Variants in ANKRD30B observed in about 807,000 individuals in gnomAD.
The protein encoded by ANKRD30B is ankyrin repeat domain 30B.
Under a neutral mutation model 202.2 loss-of-function variants are expected in ANKRD30B, and 144 were observed. The observed-to-expected ratio is 0.71, with a 90% CI of 0.62 to 0.82. ANKRD30B has a LOEUF of 0.82. ANKRD30B is among the 40% of genes least tolerant of loss of function. The pLI is 0.00. For missense variants in ANKRD30B, 1,487 were observed against 1,669.1 expected, an observed-to-expected ratio of 0.89 and a Z score of 1.90; for synonymous variants, 508 against 561.3, an observed-to-expected ratio of 0.91 and a Z score of 1.34.
Position 14,752,774 on chromosome 18 carries a change from A to G in ANKRD30B, c.337-65A>G, listed in dbSNP as rs576848402. On this transcript the variant is annotated intron_variant, in intron 2 of 43. Transcript: ENST00000690538. The stretch of plus-strand genomic sequence containing the variant: ...AGTTGAAATACAACTAGTTTGTGAA[A>G]CCTGTGGAATACTTATTTTGATTTC... 4 of 1,546,160 alleles carry G rather than the reference A, an allele frequency of 2.6e-6. No individual in the cohort carries two copies. In the African/African-American group the frequency reaches 5.5e-5, roughly 21 times the overall value.
chr18:14,779,788 T>G (rs9675853), intron 10 of ANKRD30B, among the ~76,000 whole-genome samples, 172 bp from the exon 11 acceptor site: 2 of 100,774 alleles, frequency 2.0e-5, no homozygotes, highest in African/African-American at 3.3e-5. Flanking sequence ...TTTAGATTTT[T>G]AAGATTGTAG....
At chr18:14,936,324 CA>C in the ANKRD30B span, among the ~76,000 whole-genome samples, 1 of 152,132 alleles carries the variant, frequency 6.6e-6, no homozygotes, top group African/African-American at 2.4e-5. Flanking sequence ...TTGAGGCTGC[CA>C]AAGGTACATC....
chr18:14,902,210 C>T, the ANKRD30B span, among the ~76,000 whole-genome samples: 1 of 152,020 alleles, frequency 6.6e-6, no homozygotes, highest in Non-Finnish European at 1.5e-5. Context: ...ATGGGAATTA[C>T]GGGAGTACAA....
chr18:14,941,021 C>T, the ANKRD30B span, among the ~76,000 whole-genome samples: 1 of 152,110 alleles, frequency 6.6e-6, no homozygotes, highest in Admixed American at 6.5e-5. Context: ...TGTATGTGCT[C>T]CCAGGAGATT....
intron 27 of ANKRD30B, 31 bp from the exon 28 acceptor site, chr18:14,810,077 T>C (rs1969823645): frequency 6.8e-7 from 1 of 1,468,226 alleles, no homozygotes; most frequent in African/African-American, 1.4e-5. Context: ...ATACATTATC[T>C]ATTAATTTTT....
intron 39 of ANKRD30B, among the ~76,000 whole-genome samples, chr18:14,847,511 G>T (rs61171191): frequency 0.02 from 1,279 of 62,708 alleles, 38 homozygotes; most frequent in Middle Eastern, 0.043. Context: ...ATCTTTTCTT[G>T]CATAGATGAT....
At chr18:14,872,681 C>T in the ANKRD30B span, among the ~76,000 whole-genome samples, 1 of 152,098 alleles carries the variant, frequency 6.6e-6, no homozygotes, top group Non-Finnish European at 1.5e-5. Context: ...TAGTCTTATA[C>T]AGGTGACCTA....
At chr18:14,866,391 G>C in the ANKRD30B span, among the ~76,000 whole-genome samples, 1 of 152,174 alleles carries the variant, frequency 6.6e-6, no homozygotes, top group Non-Finnish European at 1.5e-5. Context: ...GGAGCAGTAA[G>C]ATCATGGCCG....
chr18:14,881,220 T>C, the ANKRD30B span, among the ~76,000 whole-genome samples: 1 of 152,198 alleles, frequency 6.6e-6, no homozygotes, highest in Non-Finnish European at 1.5e-5. Flanking sequence ...TGGCTGTGGG[T>C]TTGTCCTAGA....
At position 14,787,038 on chromosome 18, in the gene ANKRD30B, G is replaced by A. The variant is rs1968129211; in HGVS notation, c.1673-1G>A. On this transcript the variant is annotated splice_acceptor_variant, in intron 14 of 43. Transcript: ENST00000690538. LOFTEE classifies it high-confidence loss of function. ...ATACATCTGTGATTAACCTTTTATA[G>A]CTCAGATGTTCCCATCAGAATCCAA... The A allele has an allele frequency of 6.2e-7, 1 of 1,608,218 alleles. No individual in the cohort carries two copies. Among genetic ancestry groups the A allele is most frequent in the Non-Finnish European group, 8.5e-7 (1 of 1,176,470 alleles).
At position 14,840,593 on chromosome 18, in the gene ANKRD30B, C is replaced by G. The variant is rs1971376911; in HGVS notation, c.2994C>G (p.Ile998Met). 2.1e-6 allele frequency: 3 copies of G among 1,425,546 alleles called. No homozygotes were observed. Among genetic ancestry groups the G allele is most frequent in the South Asian group, 2.8e-5 (2 of 70,534 alleles). 88.3% of individuals were successfully genotyped at this position (1,425,546 alleles called of 1,614,324 possible). The change falls in exon 37 of 44, where the codon ATC becomes ATG. Residue 998 changes from isoleucine (I) to methionine (M), a missense_variant. Physicochemically the swap from Ile to Met is conservative, Grantham distance 10. This residue lies in a region of ANKRD30B where 218 missense variants were observed against 320.1 expected (regional missense o/e 0.68). Coordinates refer to ENST00000690538, the MANE Select transcript of ANKRD30B (RefSeq NM_001367607.2). ...ATTAATATTATCTTTAACAGATTAT[C>G]TCTGTGAGTGATACACAGAATTATG... The part of the protein sequence containing the change: ...DTKSTSDSEI[I>M]SVSDTQNYEC...
the ANKRD30B span, among the ~76,000 whole-genome samples, chr18:14,860,627 C>G: frequency 6.6e-6 from 1 of 151,214 alleles, no homozygotes; most frequent in Non-Finnish European, 1.5e-5. Context: ...TAACAACTGA[C>G]TTATCAGCAG....
At chr18:14,920,166 C>T in the ANKRD30B span, among the ~76,000 whole-genome samples, 1 of 152,232 alleles carries the variant, frequency 6.6e-6, no homozygotes, top group Non-Finnish European at 1.5e-5. Flanking sequence ...TTCCAGGACC[C>T]TCCTTGTTCA....
rs1398397136 is a variant in ANKRD30B at position 14,810,415 on chromosome 18, T to C, written c.2488+235T>C. Among the ~76,000 whole-genome samples, 9 of 151,286 alleles carry C rather than the reference T, an allele frequency of 5.9e-5. No individual in the cohort carries two copies. In the South Asian group the frequency reaches 1.3e-3, roughly 21 times the overall value. On this transcript the variant is annotated intron_variant, in intron 28 of 43. Transcript: ENST00000690538. The stretch of plus-strand genomic sequence containing the variant: ...ATGTGGTTCTTCTTTAATATCCCGA[T>C]AGTGTAAAGTTTCCAATTTGCAATT...
chr18:14,861,665 C>A, the ANKRD30B span, among the ~76,000 whole-genome samples: 1 of 150,280 alleles, frequency 6.7e-6, no homozygotes, highest in Non-Finnish European at 1.5e-5. Context: ...CACAGCTGTA[C>A]AATAATCATG....
the ANKRD30B span, among the ~76,000 whole-genome samples, chr18:14,909,335 A>C: frequency 6.6e-6 from 1 of 152,168 alleles, no homozygotes; most frequent in Non-Finnish European, 1.5e-5. Context: ...TGTTTGTCGG[A>C]CACTTGCAGC....
chr18:14,760,623 G>A lies in ANKRD30B; in HGVS notation c.820+5G>A. 6.5e-7 allele frequency: 1 copy of A among 1,529,154 alleles called. No individual in the cohort carries two copies. Among genetic ancestry groups the A allele is most frequent in the Non-Finnish European group, 8.8e-7 (1 of 1,134,940 alleles). The allele number at this position is 1,529,154 out of a possible 1,614,324, so 94.7% of individuals were successfully genotyped here. ...ATCCTCAAAATACCAATCCAGGTAA[G>A]ACTTCGGATAGCAAACTACTCTTGA... On this transcript the variant is annotated splice_donor_5th_base_variant and intron_variant, in intron 6 of 43. Coordinates refer to ENST00000690538, the MANE Select transcript of ANKRD30B (RefSeq NM_001367607.2).
chr18:14,826,558 C>T (rs1186211492), intron 32 of ANKRD30B, among the ~76,000 whole-genome samples: 1 of 151,878 alleles, frequency 6.6e-6, no homozygotes, highest in African/African-American at 2.4e-5. Flanking sequence ...GTACACATGC[C>T]AGCATTTTTC....
At chr18:14,751,795 A>G (rs1913499122) in intron 1 of ANKRD30B, among the ~76,000 whole-genome samples, 3 of 152,154 alleles carry the variant, frequency 2.0e-5, no homozygotes, top group Non-Finnish European at 4.4e-5. Flanking sequence ...GTAGTCCTCT[A>G]AAAAGCTAAA....
Sources: allele counts gnomAD v4.1 joint callset (sites outside exome capture counted in the v4.1 genomes callset), GRCh38; gene constraint gnomAD v4.1.1; regional missense constraint gnomAD v4.1.1; transcripts MANE v1.5; gene names NCBI Gene and HGNC (gene_info 2026-07-23, HGNC 2026-07-21).